The following ERC1 variants were observed in gnomAD, a reference collection of about 807,000 sequenced individuals.
ERC1 encodes ELKS/RAB6-interacting/CAST family member 1, also known as RAB6 interacting protein 2.
A neutral mutation model predicts 132.0 loss-of-function variants in ERC1; 56 were observed. The observed-to-expected ratio is 0.42, with a 90% CI of 0.34 to 0.53. The LOEUF is 0.53. Among genes scored for constraint, ERC1 ranks in the 20% least tolerant of loss-of-function variants. ERC1 has a pLI of 0.03. For missense variants in ERC1, 1,202 were observed against 1,349.9 expected, an observed-to-expected ratio of 0.89 and a Z score of 1.72; for synonymous variants, 478 against 476.1, an observed-to-expected ratio of 1.00 and a Z score of -0.05.
Position 1,492,994 on chromosome 12 carries a change from A to G in ERC1, c.*2764A>G, listed in dbSNP as rs1404365932. ...TTTTCCCCAAACCCCTCCATCGGCAAGTCTAGTTGCCCTTTAGCACCTAAA... is the reference window on the plus strand; with the variant it reads ...TTTTCCCCAAACCCCTCCATCGGCAGGTCTAGTTGCCCTTTAGCACCTAAA... On this transcript the variant is annotated 3_prime_UTR_variant, in exon 19 of 19. Coordinates refer to ENST00000360905, the MANE Select transcript of ERC1 (RefSeq NM_178040.4). The G allele has an allele frequency of 8.8e-6, 2 of 226,060 alleles. No individual in the cohort carries two copies. Among genetic ancestry groups the G allele is most frequent in the Non-Finnish European group, 1.8e-5 (2 of 113,616 alleles). The allele number at this position is 226,060 out of a possible 1,614,324, so 14.0% of individuals were successfully genotyped here.
chr12:1,065,223 A>T (rs1187047980), intron 2 of ERC1, among the ~76,000 whole-genome samples: 5 of 151,672 alleles, frequency 3.3e-5, no homozygotes, highest in African/African-American at 1.2e-4. Context: ...CTGGTCTCAA[A>T]CTCCTGACCT....
intron 13 of ERC1, among the ~76,000 whole-genome samples, chr12:1,242,348 A>C (rs1032664315): frequency 1.3e-5 from 2 of 152,210 alleles, no homozygotes; most frequent in African/African-American, 4.8e-5. Context: ...CCAGCCAGGA[A>C]CTAAATTCAT....
chr12:1,139,818 T>A (rs2154247792), intron 7 of ERC1, among the ~76,000 whole-genome samples: 1 of 151,266 alleles, frequency 6.6e-6, no homozygotes, highest in South Asian at 2.1e-4. Context: ...AGAAGGACGA[T>A]AGATCAGAGG....
chr12:1,469,725 A>G (rs1023538842), intron 18 of ERC1, among the ~76,000 whole-genome samples: 4 of 152,102 alleles, frequency 2.6e-5, no homozygotes, highest in African/African-American at 9.7e-5. Context: ...ACACAACAAA[A>G]TTCTCTGAGC....
intron 12 of ERC1, among the ~76,000 whole-genome samples, chr12:1,213,800 A>C (rs550221810): frequency 6.6e-6 from 1 of 151,574 alleles, no homozygotes; most frequent in African/African-American, 2.4e-5. Context: ...GCTACTCGGG[A>C]GGCAGAGGCA....
chr12:1,189,962 C>T lies in ERC1; in HGVS notation c.2261C>T (p.Ala754Val). 1.5e-5 allele frequency: 25 copies of T among 1,613,880 alleles called. No homozygotes were observed. Among genetic ancestry groups the T allele is most frequent in the Non-Finnish European group, 2.0e-5 (24 of 1,179,906 alleles). The change falls in exon 12 of 19, where the codon GCC becomes GTC. Residue 754 changes from alanine to valine, a missense_variant. Ala to Val is a moderately conservative substitution (Grantham distance 64). Transcript: ENST00000360905. Reference sequence around the variant, plus strand: ...AGGTACAAAGATGAATCTAGCAAGGCCCAGGCAGAAGTTGATCGACTCTTA... The same window carrying T: ...AGGTACAAAGATGAATCTAGCAAGGTCCAGGCAGAAGTTGATCGACTCTTA... ...ITRYKDESSK[A>V]QAEVDRLLEI...
intron 16 of ERC1, among the ~76,000 whole-genome samples, chr12:1,393,605 CACGTGTGTGTGTGT>C (rs1296143668): frequency 1.3e-3 from 113 of 85,626 alleles, no homozygotes; most frequent in Middle Eastern, 6.4e-3. Flanking sequence ...AGAGAGAACA[CACGTGTGTGTGTGT>C]GTGTGTGTGT....
chr12:1,360,248 G>C (rs139952090), intron 15 of ERC1, among the ~76,000 whole-genome samples: 1 of 152,150 alleles, frequency 6.6e-6, no homozygotes, highest in Non-Finnish European at 1.5e-5. Context: ...TATAAACAGG[G>C]ATCTGGATGT....
intron 15 of ERC1, among the ~76,000 whole-genome samples, chr12:1,290,646 A>G (rs1268789113): frequency 6.6e-6 from 1 of 152,194 alleles, no homozygotes; most frequent in Non-Finnish European, 1.5e-5. Context: ...TAAAACAAAC[A>G]TGTGTCTTTT....
intron 2 of ERC1, among the ~76,000 whole-genome samples, chr12:1,074,312 T>C (rs1009842237): frequency 6.6e-6 from 1 of 151,980 alleles, no homozygotes; most frequent in Non-Finnish European, 1.5e-5. Context: ...TTTATTCCTT[T>C]TTCTTTTTTT....
chr12:1,179,732 C>G (rs931920371), intron 8 of ERC1, among the ~76,000 whole-genome samples: 67 of 152,220 alleles, frequency 4.4e-4, no homozygotes, highest in Non-Finnish European at 8.5e-4. Context: ...TGGTCTTGAT[C>G]TCCTGACCTC....
chr12:1,172,159 A>G (rs1953133920), intron 8 of ERC1, among the ~76,000 whole-genome samples: 1 of 152,134 alleles, frequency 6.6e-6, no homozygotes, highest in African/African-American at 2.4e-5. Flanking sequence ...CTTTCTCCAA[A>G]CAGTTAATTT....
intron 8 of ERC1, among the ~76,000 whole-genome samples, chr12:1,169,734 T>C (rs1304236453): frequency 6.6e-6 from 1 of 152,198 alleles, no homozygotes; most frequent in African/African-American, 2.4e-5. Context: ...TCTCATCATA[T>C]TTCCTTCACA....
At chr12:1,449,609 A>G (rs1205688213) in intron 18 of ERC1, among the ~76,000 whole-genome samples, 1 of 152,156 alleles carries the variant, frequency 6.6e-6, no homozygotes, top group Non-Finnish European at 1.5e-5. Context: ...GTGTGAGTCA[A>G]TTAAACCTCT....
chr12:1,467,854 G>A (rs983429270), intron 18 of ERC1, among the ~76,000 whole-genome samples: 23 of 152,196 alleles, frequency 1.5e-4, no homozygotes, highest in African/African-American at 4.8e-5. Context: ...GATCCCTCGC[G>A]TGCGTGGTTC....
chr12:1,183,137 A>G (rs1954669017), intron 10 of ERC1, 144 bp from the exon 11 acceptor site: 1 of 466,998 alleles, frequency 2.1e-6, no homozygotes, highest in African/African-American at 2.0e-5. Flanking sequence ...ATTGTTTTAT[A>G]TTTCATGAAT....
chr12:1,091,304 G>A (rs576641417), intron 3 of ERC1, among the ~76,000 whole-genome samples: 2 of 152,188 alleles, frequency 1.3e-5, no homozygotes, highest in Non-Finnish European at 2.9e-5. Context: ...TGCTAATTAA[G>A]TTGGGAAGGG....
At chr12:1,200,187 A>G (rs1189518429) in intron 12 of ERC1, among the ~76,000 whole-genome samples, 1 of 152,172 alleles carries the variant, frequency 6.6e-6, no homozygotes, top group Non-Finnish European at 1.5e-5. Flanking sequence ...TAAATCTTCT[A>G]AAATGTGTTG....
At chr12:1,186,393 G>T (rs572520976) in intron 11 of ERC1, among the ~76,000 whole-genome samples, 3 of 152,198 alleles carry the variant, frequency 2.0e-5, no homozygotes, top group Non-Finnish European at 2.9e-5. Context: ...TGCCTCCAGT[G>T]TATGAGTACT....
Sources: allele counts gnomAD v4.1 joint callset (sites outside exome capture counted in the v4.1 genomes callset), GRCh38; gene constraint gnomAD v4.1.1; transcripts MANE v1.5; gene names NCBI Gene and HGNC (gene_info 2026-07-23, HGNC 2026-07-21).